Variants in NRXN3 observed in about 807,000 individuals in gnomAD.
NRXN3 encodes neurexin 3.
A neutral mutation model predicts 137.6 loss-of-function variants in NRXN3; 32 were observed. The ratio of observed to expected loss-of-function variants is 0.23; its 90% confidence interval spans 0.18 to 0.31. NRXN3 has a LOEUF of 0.31. Among genes scored for constraint, NRXN3 ranks in the 10% least tolerant of loss-of-function variants. The probability of loss-of-function intolerance (pLI) is 1.00; values close to 1 mark genes in which losing one functional copy is unlikely to be tolerated. For missense variants in NRXN3, 1,574 were observed against 2,062.5 expected (o/e 0.76, Z 4.59); for synonymous variants, 798 against 784.5 (o/e 1.02, Z -0.29).
At chr14:79,502,840 G>A (rs1403557241) in intron 16 of NRXN3, among the ~76,000 whole-genome samples, 1 of 151,422 alleles carries the variant, frequency 6.6e-6, no homozygotes, top group African/African-American at 2.4e-5. Flanking sequence ...TTCACTGCAA[G>A]CTCTCCCATG....
intron 2 of NRXN3, among the ~76,000 whole-genome samples, chr14:78,268,868 C>T (rs1047324381): frequency 3.3e-5 from 5 of 152,094 alleles, no homozygotes; most frequent in Admixed American, 6.5e-5. Flanking sequence ...ATCCCTGCCA[C>T]GCTGTCTTCT....
intron 10 of NRXN3, among the ~76,000 whole-genome samples, chr14:78,878,748 A>G (rs1320566719): frequency 2.0e-5 from 3 of 152,148 alleles, no homozygotes; most frequent in African/African-American, 7.2e-5. Flanking sequence ...TATAAAATAC[A>G]TTGTTATTAA....
intron 4 of NRXN3, among the ~76,000 whole-genome samples, chr14:78,393,548 T>G (rs1284538290): frequency 6.6e-6 from 1 of 152,088 alleles, no homozygotes; most frequent in African/African-American, 2.4e-5. Context: ...TGTAGATTGA[T>G]TCCTCCTACT....
chr14:79,728,509 G>A (rs1217961969), intron 19 of NRXN3, among the ~76,000 whole-genome samples: 1 of 152,222 alleles, frequency 6.6e-6, no homozygotes, highest in Non-Finnish European at 1.5e-5. Flanking sequence ...TATGCAAGCA[G>A]TGGGTGCCTT....
chr14:79,441,402 C>T (rs1424075471), intron 15 of NRXN3, among the ~76,000 whole-genome samples: 49 of 82,646 alleles, frequency 5.9e-4, no homozygotes, highest in Non-Finnish European at 5.2e-4. Context: ...TTTTTTGAGA[C>T]GGAGTCTCGC....
At chr14:78,865,192 T>G (rs2099083535) in intron 10 of NRXN3, among the ~76,000 whole-genome samples, 1 of 152,180 alleles carries the variant, frequency 6.6e-6, no homozygotes, top group African/African-American at 2.4e-5. Context: ...TATCTACTCA[T>G]GAACAACCAT....
Position 78,808,738 on chromosome 14 carries a change from C to T in NRXN3, c.2249-1580C>T, listed in dbSNP as rs77291578. On this transcript the variant is annotated intron_variant, in intron 9 of 20. Transcript: ENST00000335750. ...TTCTCGGGAACAAATAAGCATTCTG[C>T]CTCCTTACTCAGAATAACTGGGTGC... Among the ~76,000 whole-genome samples, 3 of 152,246 alleles carry T rather than the reference C, an allele frequency of 2.0e-5. No individual in the cohort carries two copies. The East Asian group carries it at 5.8e-4, about 29-fold the overall frequency.
At chr14:78,865,378 T>A (rs1406287112) in intron 10 of NRXN3, among the ~76,000 whole-genome samples, 1 of 152,148 alleles carries the variant, frequency 6.6e-6, no homozygotes, top group Non-Finnish European at 1.5e-5. Context: ...GTTGTAAAAG[T>A]AAGAAGGTTC....
chr14:78,295,214 T>G (rs1375941594), intron 3 of NRXN3, among the ~76,000 whole-genome samples: 1 of 152,202 alleles, frequency 6.6e-6, no homozygotes, highest in Admixed American at 6.5e-5. Context: ...GTATTATGGT[T>G]ACATGGTTTC....
chr14:78,263,077 C>T (rs2071055217), intron 2 of NRXN3, among the ~76,000 whole-genome samples: 1 of 151,628 alleles, frequency 6.6e-6, no homozygotes, highest in African/African-American at 2.4e-5. Context: ...GGGATATGCC[C>T]TTTTATTTTG....
At chr14:79,326,015 CTGGAGAGG>C (rs1195357352) in intron 15 of NRXN3, among the ~76,000 whole-genome samples, 1 of 152,182 alleles carries the variant, frequency 6.6e-6, no homozygotes, top group Non-Finnish European at 1.5e-5. Context: ...TCTAAATCTT[CTGGAGAGG>C]ATTGCTGCAG....
At chr14:78,279,384 G>A (rs1285088872) in intron 3 of NRXN3, among the ~76,000 whole-genome samples, 1 of 152,178 alleles carries the variant, frequency 6.6e-6, no homozygotes, top group Non-Finnish European at 1.5e-5. Flanking sequence ...ACTGATGCAG[G>A]CATTTATGGA....
At chr14:79,816,042 A>C (rs1955688307) in intron 20 of NRXN3, among the ~76,000 whole-genome samples, 1 of 152,134 alleles carries the variant, frequency 6.6e-6, no homozygotes. Context: ...CAAGCACACC[A>C]CTAGCCCAGG....
intron 20 of NRXN3, among the ~76,000 whole-genome samples, chr14:79,860,107 A>AGCTTTCT (rs565446574): frequency 2.6e-4 from 39 of 152,270 alleles, no homozygotes; most frequent in Admixed American, 2.5e-3. Flanking sequence ...AACTATTCTG[A>AGCTTTCT]GCTTTCTTTC....
chr14:78,434,671 C>T (rs1207703175), intron 4 of NRXN3, among the ~76,000 whole-genome samples: 2 of 152,138 alleles, frequency 1.3e-5, no homozygotes, highest in Non-Finnish European at 2.9e-5. Flanking sequence ...TGTCACCCTG[C>T]CTCTGAGTCA....
chr14:78,570,448 T>C (rs1380298868), intron 4 of NRXN3, among the ~76,000 whole-genome samples: 3 of 152,128 alleles, frequency 2.0e-5, no homozygotes, highest in Non-Finnish European at 4.4e-5. Flanking sequence ...GCCAACCTGT[T>C]TGGAGTGTTT....
At chr14:79,771,059 C>G (rs1368701331) in intron 19 of NRXN3, among the ~76,000 whole-genome samples, 5 of 152,098 alleles carry the variant, frequency 3.3e-5, no homozygotes, top group African/African-American at 9.7e-5. Context: ...CATACACTCT[C>G]CCAAGACTAA....
chr14:78,724,358 T>C (rs1003169552), intron 8 of NRXN3, among the ~76,000 whole-genome samples: 4 of 152,208 alleles, frequency 2.6e-5, no homozygotes, highest in Non-Finnish European at 4.4e-5. Context: ...TAATCAAGAA[T>C]AGAAGTCCCA....
intron 19 of NRXN3, among the ~76,000 whole-genome samples, chr14:79,737,414 T>C (rs923900292): frequency 6.6e-6 from 1 of 152,356 alleles, no homozygotes; most frequent in Middle Eastern, 3.4e-3. Flanking sequence ...TTAAATCTTC[T>C]GTGCCACTGA....
Sources: gnomAD v4.1 joint callset for allele counts (sites outside exome capture counted in the v4.1 genomes callset) on GRCh38, gnomAD v4.1.1 for gene constraint, MANE v1.5 for transcripts, NCBI Gene and HGNC (gene_info 2026-07-23, HGNC 2026-07-21) for gene names.